CACNA2D3: variants seen among roughly 807,000 people sequenced by gnomAD.
CACNA2D3 encodes calcium voltage-gated channel auxiliary subunit alpha2delta 3, also known as voltage-dependent calcium channel subunit alpha-2/delta-3.
CACNA2D3 carries 60 observed loss-of-function variants against 160.6 expected under a neutral mutation model. That is an observed-to-expected ratio of 0.37 (90% CI 0.30 to 0.46). The LOEUF is 0.46. Among genes scored for constraint, CACNA2D3 ranks in the 20% least tolerant of loss-of-function variants. The pLI is 1.00. For synonymous variants in CACNA2D3, 558 were observed against 492.9 expected (o/e 1.13, Z -1.75); for missense variants, 1,205 against 1,365.0 (o/e 0.88, Z 1.85).
At chr3:54,327,229 C>T (rs1704137497) in intron 3 of CACNA2D3, among the ~76,000 whole-genome samples, 1 of 152,222 alleles carries the variant, frequency 6.6e-6, no homozygotes, top group African/African-American at 2.4e-5. Context: ...TGCTGTCCCT[C>T]CCACGTTGAG....
At chr3:54,247,622 A>G (rs1702106548) in intron 2 of CACNA2D3, among the ~76,000 whole-genome samples, 1 of 152,232 alleles carries the variant, frequency 6.6e-6, no homozygotes, top group Admixed American at 6.5e-5. Context: ...TAGACAAAGA[A>G]TTCAAGAGAA....
At chr3:54,141,514 G>A (rs967125230) in intron 2 of CACNA2D3, among the ~76,000 whole-genome samples, 1 of 152,206 alleles carries the variant, frequency 6.6e-6, no homozygotes, top group Admixed American at 6.5e-5. Flanking sequence ...TGGGTTAAGA[G>A]AGGAAGAGAA....
At chr3:54,490,744 A>G (rs774928853) in intron 4 of CACNA2D3, among the ~76,000 whole-genome samples, 2 of 152,152 alleles carry the variant, frequency 1.3e-5, no homozygotes, top group Non-Finnish European at 2.9e-5. Context: ...AGTGAATACC[A>G]TGAGGGAAAG....
At chr3:54,446,769 C>G (rs1472274921) in intron 4 of CACNA2D3, among the ~76,000 whole-genome samples, 2 of 152,120 alleles carry the variant, frequency 1.3e-5, no homozygotes, top group African/African-American at 4.8e-5. Context: ...GCTGGCAGTG[C>G]ACGATATCTG....
At chr3:54,489,787 C>G (rs908119083) in intron 4 of CACNA2D3, among the ~76,000 whole-genome samples, 2 of 152,216 alleles carry the variant, frequency 1.3e-5, no homozygotes, top group African/African-American at 4.8e-5. Flanking sequence ...TGAATTTTCT[C>G]AGGCTGGAGA....
chr3:54,673,107 G>T (rs1700188225), intron 11 of CACNA2D3, among the ~76,000 whole-genome samples: 1 of 152,196 alleles, frequency 6.6e-6, no homozygotes, highest in African/African-American at 2.4e-5. Context: ...TTTGGAGATG[G>T]AATCAAGGGT....
intron 2 of CACNA2D3, among the ~76,000 whole-genome samples, chr3:54,263,763 C>T (rs941688883): frequency 2.6e-5 from 4 of 152,172 alleles, no homozygotes; most frequent in Admixed American, 6.5e-5. Context: ...ATGGAACACA[C>T]AGCCTTGCCT....
chr3:54,265,614 GTA>G (rs763405327), intron 2 of CACNA2D3, among the ~76,000 whole-genome samples: 1,783 of 146,560 alleles, frequency 0.012, 42 homozygotes, highest in East Asian at 0.085. Context: ...TATATAGTGT[GTA>G]TATATATATA....
At chr3:54,735,994 CATATATATATAT>C (rs1701493602) in intron 11 of CACNA2D3, among the ~76,000 whole-genome samples, 3 of 73,348 alleles carry the variant, frequency 4.1e-5, no homozygotes, top group African/African-American at 1.6e-4. Flanking sequence ...TATATATATA[CATATATATATAT>C]GTATATATAT....
rs557715477 is a variant in CACNA2D3, at chr3:54,323,363, A to G, written c.321+2805A>G. Reference sequence around the variant, plus strand: ...TCATTATTTGTAGCCTTGCACTGGAATGCACCACTGTGAGACAAGGTGGGG... The same window carrying G: ...TCATTATTTGTAGCCTTGCACTGGAGTGCACCACTGTGAGACAAGGTGGGG... On this transcript the variant is annotated intron_variant, in intron 3 of 37. Transcript: ENST00000474759. 5.7e-4 allele frequency among the ~76,000 whole-genome samples: 86 copies of G among 152,170 alleles called. 1 individual carries two copies. The highest frequency in any genetic ancestry group is 2.0e-3 in the African/African-American group (83 of 41,510).
chr3:54,287,092 G>A (rs1703049467), intron 2 of CACNA2D3, among the ~76,000 whole-genome samples: 1 of 151,960 alleles, frequency 6.6e-6, no homozygotes, highest in African/African-American at 2.4e-5. Flanking sequence ...AACTTTAAAT[G>A]TAAATGGACT....
chr3:54,879,315 T>C (rs1699737469), intron 19 of CACNA2D3, 35 bp from the exon 20 acceptor site: 1 of 1,539,830 alleles, frequency 6.5e-7, no homozygotes, highest in Non-Finnish European at 8.8e-7. Flanking sequence ...CCATGTTTTC[T>C]TTTCTCTACG....
chr3:54,661,837 G>GGTGT (rs1559542452), intron 11 of CACNA2D3, among the ~76,000 whole-genome samples: 38 of 34,832 alleles, frequency 1.1e-3, no homozygotes, highest in East Asian at 5.6e-3. Context: ...ACATCTCAGG[G>GGTGT]ATGTGTGTAT....
chr3:54,291,731 G>A (rs1469816843), intron 2 of CACNA2D3, among the ~76,000 whole-genome samples: 1 of 152,188 alleles, frequency 6.6e-6, no homozygotes, highest in African/African-American at 2.4e-5. Flanking sequence ...TGTGATCGTG[G>A]AGCAGGTGAT....
At chr3:54,457,422 G>C (rs1269890239) in intron 4 of CACNA2D3, among the ~76,000 whole-genome samples, 2 of 151,954 alleles carry the variant, frequency 1.3e-5, no homozygotes, top group Non-Finnish European at 2.9e-5. Flanking sequence ...AGAAAATATA[G>C]TTGATATTAT....
At chr3:54,654,632 C>A (rs1431045200) in intron 11 of CACNA2D3, among the ~76,000 whole-genome samples, 1 of 152,068 alleles carries the variant, frequency 6.6e-6, no homozygotes, top group African/African-American at 2.4e-5. Context: ...GGACCCGGAC[C>A]TCTGGCAAGG....
At chr3:55,051,885 C>T (rs1173819616) in intron 35 of CACNA2D3, among the ~76,000 whole-genome samples, 1 of 152,208 alleles carries the variant, frequency 6.6e-6, no homozygotes. Context: ...CCGTCTGTCA[C>T]CCCTTTCTTT....
chr3:54,999,402 G>A (rs1702932207), intron 31 of CACNA2D3, among the ~76,000 whole-genome samples: 1 of 152,124 alleles, frequency 6.6e-6, no homozygotes, highest in South Asian at 2.1e-4. Context: ...TGCCCCCAGA[G>A]GACACATTTT....
At chr3:54,474,422 T>C (rs2106882102) in intron 4 of CACNA2D3, among the ~76,000 whole-genome samples, 1 of 152,106 alleles carries the variant, frequency 6.6e-6, no homozygotes, top group East Asian at 1.9e-4. Context: ...AGGGGAGGGA[T>C]TTCATTAGGA....
Sources: allele counts gnomAD v4.1 joint callset (sites outside exome capture counted in the v4.1 genomes callset), GRCh38; gene constraint gnomAD v4.1.1; transcripts MANE v1.5; gene names NCBI Gene and HGNC (gene_info 2026-07-23, HGNC 2026-07-21).